Variants in CDH13 observed in about 807,000 individuals in gnomAD.
CDH13 encodes the protein cadherin-13.
In CDH13, 24 loss-of-function variants were observed where a neutral mutation model predicts 63.8. The observed-to-expected ratio is 0.38, with a 90% CI of 0.27 to 0.53. The LOEUF (loss-of-function observed/expected upper bound fraction) is 0.53, where lower values mean the gene tolerates loss of function less well. Among genes scored for constraint, CDH13 ranks in the 20% least tolerant of loss-of-function variants. The probability of loss-of-function intolerance (pLI) is 0.85; values close to 1 mark genes in which losing one functional copy is unlikely to be tolerated. For synonymous variants in CDH13, 503 were observed against 355.3 expected (o/e 1.42, Z -4.67); for missense variants, 1,049 against 903.1 (o/e 1.16, Z -2.07).
chr16:82,848,922 C>T (rs1006305946), intron 1 of CDH13, among the ~76,000 whole-genome samples: 2 of 152,106 alleles, frequency 1.3e-5, no homozygotes, highest in African/African-American at 2.4e-5. Context: ...GTTGTGAATG[C>T]AAAGGAAGAG....
intron 8 of CDH13, among the ~76,000 whole-genome samples, chr16:83,657,622 A>G (rs1912984017): frequency 6.6e-6 from 1 of 152,190 alleles, no homozygotes; most frequent in African/African-American, 2.4e-5. Flanking sequence ...GGCTGGGGAT[A>G]TGGAGAACAA....
At chr16:83,136,745 G>A (rs2036306921) in intron 4 of CDH13, among the ~76,000 whole-genome samples, 1 of 152,144 alleles carries the variant, frequency 6.6e-6, no homozygotes, top group South Asian at 2.1e-4. Flanking sequence ...AATCTTGTTA[G>A]TGGGTAGATG....
At chr16:83,527,409 A>G (rs565573653) in intron 7 of CDH13, among the ~76,000 whole-genome samples, 1 of 152,226 alleles carries the variant, frequency 6.6e-6, no homozygotes, top group East Asian at 1.9e-4. Flanking sequence ...AGATCTGGCC[A>G]CTGCACTCCA....
chr16:83,581,152 A>G, intron 7 of CDH13, among the ~76,000 whole-genome samples: 1 of 152,206 alleles, frequency 6.6e-6, no homozygotes, highest in East Asian at 1.9e-4. Flanking sequence ...TACAAAAATC[A>G]TTACTGCATT....
At chr16:83,776,680 G>C (rs915559221) in intron 11 of CDH13, among the ~76,000 whole-genome samples, 1 of 152,162 alleles carries the variant, frequency 6.6e-6, no homozygotes, top group Non-Finnish European at 1.5e-5. Context: ...AGTGTCACCA[G>C]TAACATTCTC....
intron 1 of CDH13, among the ~76,000 whole-genome samples, chr16:82,828,533 A>G (rs554185954): frequency 6.6e-6 from 1 of 152,134 alleles, no homozygotes; most frequent in Admixed American, 6.6e-5. Context: ...TGGCTGAGGC[A>G]TGAGAATTGC....
intron 4 of CDH13, among the ~76,000 whole-genome samples, chr16:83,155,610 T>C (rs2037175478): frequency 2.0e-5 from 3 of 152,188 alleles, no homozygotes; most frequent in Admixed American, 2.0e-4. Context: ...TAGGCAACTC[T>C]AGTCCTTACA....
intron 3 of CDH13, among the ~76,000 whole-genome samples, chr16:83,111,335 A>G (rs938916932): frequency 3.3e-5 from 5 of 152,200 alleles, no homozygotes; most frequent in East Asian, 3.8e-4. Context: ...GAGAATCTAG[A>G]GAGAAAATAA....
chr16:83,192,141 G>A (rs1178784655), intron 4 of CDH13, among the ~76,000 whole-genome samples: 9 of 152,146 alleles, frequency 5.9e-5, no homozygotes. Context: ...CAAGCCTCAA[G>A]CAAGAGCCGT....
intron 1 of CDH13, among the ~76,000 whole-genome samples, chr16:82,690,249 A>C: frequency 6.6e-6 from 1 of 151,078 alleles, no homozygotes; most frequent in Admixed American, 6.6e-5. Context: ...AATATGAAGA[A>C]GAATGGTGAG....
intron 10 of CDH13, among the ~76,000 whole-genome samples, chr16:83,728,221 C>T (rs1910642618): frequency 6.6e-6 from 1 of 152,100 alleles, no homozygotes; most frequent in African/African-American, 2.4e-5. Context: ...GATGTGCACA[C>T]TGGGCCCTGG....
chr16:83,692,302 C>G (rs1904984996), intron 10 of CDH13, among the ~76,000 whole-genome samples: 1 of 152,158 alleles, frequency 6.6e-6, no homozygotes, highest in Admixed American at 6.5e-5. Flanking sequence ...GGGAGTCTGG[C>G]CAGATCTCCA....
chr16:83,233,593 T>C (rs6565156), intron 5 of CDH13, among the ~76,000 whole-genome samples: 62,972 of 151,946 alleles, frequency 0.41, 15,116 homozygotes, highest in African/African-American at 0.67. Context: ...TTCCAACTTT[T>C]GGGGGCCACC....
chr16:83,743,997 C>T (rs435282), intron 10 of CDH13, among the ~76,000 whole-genome samples: 145,988 of 151,940 alleles, frequency 0.96, 70,328 homozygotes, highest in Middle Eastern at 1. Context: ...CCGCTTTTGA[C>T]AAGTTGCTAA....
At chr16:83,164,728 GAAAA>G (rs951668762) in intron 4 of CDH13, among the ~76,000 whole-genome samples, 1 of 142,882 alleles carries the variant, frequency 7.0e-6, no homozygotes, top group South Asian at 2.2e-4. Context: ...CTCAAAAAAA[GAAAA>G]AAAAAATCAT....
At chr16:83,054,003 T>C (rs1168932447) in intron 3 of CDH13, among the ~76,000 whole-genome samples, 1 of 152,228 alleles carries the variant, frequency 6.6e-6, no homozygotes, top group African/African-American at 2.4e-5. Context: ...TTTTTGTGTT[T>C]AGATATGTTT....
intron 11 of CDH13, among the ~76,000 whole-genome samples, chr16:83,773,929 T>C (rs193155971): frequency 2.6e-5 from 4 of 152,180 alleles, no homozygotes; most frequent in African/African-American, 7.2e-5. Context: ...TCTCCATCCT[T>C]ATCCCTCCCC....
At chr16:83,375,205 C>A (rs556661783) in intron 6 of CDH13, among the ~76,000 whole-genome samples, 14 of 152,272 alleles carry the variant, frequency 9.2e-5, no homozygotes, top group Non-Finnish European at 1.3e-4. Flanking sequence ...TAGTTACTTG[C>A]GATCTGTTTA....
At chr16:83,423,509 G>A (rs2325874) in intron 6 of CDH13, among the ~76,000 whole-genome samples, 120,112 of 151,368 alleles carry the variant, frequency 0.79, 48,185 homozygotes, top group East Asian at 1. Context: ...AAAAAAGCAA[G>A]CAAGAAAAAC....
Sources: allele counts gnomAD v4.1 joint callset (sites outside exome capture counted in the v4.1 genomes callset), GRCh38; gene constraint gnomAD v4.1.1; transcripts MANE v1.5; gene names NCBI Gene and HGNC (gene_info 2026-07-23, HGNC 2026-07-21).